Variants in PDE3B observed in about 807,000 individuals in gnomAD.
The protein encoded by PDE3B is cGMP-inhibited 3',5'-cyclic phosphodiesterase 3B.
A neutral mutation model predicts 116.8 loss-of-function variants in PDE3B; 66 were observed. The observed-to-expected ratio is 0.56, with a 90% CI of 0.46 to 0.69. The LOEUF (loss-of-function observed/expected upper bound fraction) is 0.69, where lower values mean the gene tolerates loss of function less well. Among genes scored for constraint, PDE3B ranks in the 30% least tolerant of loss-of-function variants. The pLI, the probability that PDE3B is intolerant of heterozygous loss-of-function variation, is 0.00. For synonymous variants in PDE3B, 595 were observed against 533.6 expected, an observed-to-expected ratio of 1.12 and a Z score of -1.59; for missense variants, 1,384 against 1,368.1, an observed-to-expected ratio of 1.01 and a Z score of -0.18.
chr11:14,678,777 C>T (rs929187272), intron 1 of PDE3B, among the ~76,000 whole-genome samples: 1 of 152,024 alleles, frequency 6.6e-6, no homozygotes, highest in African/African-American at 2.4e-5. Flanking sequence ...TTCAGTTTTT[C>T]AATTTTTTGT....
chr11:14,753,642 G>A (rs1350714760), intron 1 of PDE3B, among the ~76,000 whole-genome samples: 1 of 152,032 alleles, frequency 6.6e-6, no homozygotes. Flanking sequence ...ATGCCTCTGT[G>A]TTTAAATGAT....
intron 1 of PDE3B, among the ~76,000 whole-genome samples, chr11:14,653,640 G>T (rs140261221): frequency 2.9e-4 from 44 of 151,972 alleles, no homozygotes; most frequent in African/African-American, 1.0e-3. Flanking sequence ...ATAAAAACAC[G>T]TTTATTATGA....
At chr11:14,804,311 A>C (rs1255678074) in intron 5 of PDE3B, among the ~76,000 whole-genome samples, 1 of 152,104 alleles carries the variant, frequency 6.6e-6, no homozygotes, top group Non-Finnish European at 1.5e-5. Flanking sequence ...TATTTAACTA[A>C]CCTGAATGGT....
At chr11:14,667,815 G>A (rs1854223946) in intron 1 of PDE3B, among the ~76,000 whole-genome samples, 1 of 148,208 alleles carries the variant, frequency 6.7e-6, no homozygotes, top group Non-Finnish European at 1.5e-5. Context: ...TTGTGCACAT[G>A]TACCCTAAAA....
intron 12 of PDE3B, among the ~76,000 whole-genome samples, chr11:14,852,984 A>G (rs940752156): frequency 6.6e-6 from 1 of 151,524 alleles, no homozygotes; most frequent in African/African-American, 2.4e-5. Flanking sequence ...AAGGCCCTAC[A>G]TTATTGGTCC....
At chr11:14,800,856 T>C (rs190212367) in intron 4 of PDE3B, among the ~76,000 whole-genome samples, 41 of 152,250 alleles carry the variant, frequency 2.7e-4, no homozygotes, top group African/African-American at 8.7e-4. Context: ...TGTTCATTTC[T>C]TTTTATTCTT....
intron 1 of PDE3B, among the ~76,000 whole-genome samples, 183 bp downstream of exon 1, chr11:14,645,236 G>A (rs1487098551): frequency 6.7e-6 from 1 of 149,786 alleles, no homozygotes; most frequent in Non-Finnish European, 1.5e-5. Context: ...AATACAGGAA[G>A]CCTTTTAAAA....
intron 1 of PDE3B, among the ~76,000 whole-genome samples, chr11:14,763,488 G>T (rs989646492): frequency 9.2e-5 from 14 of 152,032 alleles, no homozygotes; most frequent in Non-Finnish European, 1.8e-4. Flanking sequence ...GTATGATCAT[G>T]ATAAAGGGGT....
intron 3 of PDE3B, among the ~76,000 whole-genome samples, chr11:14,788,348 G>A (rs114992930): frequency 3.5e-4 from 53 of 151,952 alleles, no homozygotes; most frequent in African/African-American, 1.1e-3. Flanking sequence ...CACTCAACAA[G>A]GATATTAACA....
chr11:14,852,504 A>G, intron 12 of PDE3B, among the ~76,000 whole-genome samples: 1 of 152,246 alleles, frequency 6.6e-6, no homozygotes, highest in East Asian at 1.9e-4. Flanking sequence ...TGCATACTCA[A>G]TTGTTGTCCT....
chr11:14,714,927 A>G (rs1014450255), intron 1 of PDE3B, among the ~76,000 whole-genome samples: 1 of 152,142 alleles, frequency 6.6e-6, no homozygotes. Context: ...TTTCACTCAT[A>G]TTTAAAATAT....
the PDE3B span, among the ~76,000 whole-genome samples, chr11:14,894,735 A>G: frequency 6.6e-6 from 1 of 152,202 alleles, no homozygotes; most frequent in African/African-American, 2.4e-5. Flanking sequence ...TTCAGGACAT[A>G]GAGCCTTCCC....
intron 12 of PDE3B, among the ~76,000 whole-genome samples, chr11:14,845,964 A>G (rs931428786): frequency 5.9e-5 from 9 of 152,200 alleles, no homozygotes; most frequent in East Asian, 3.8e-4. Context: ...GCAGGCCAAC[A>G]TTCAGATTCA....
At chr11:14,735,561 T>C (rs1343399270) in intron 1 of PDE3B, among the ~76,000 whole-genome samples, 1 of 152,206 alleles carries the variant, frequency 6.6e-6, no homozygotes, top group East Asian at 1.9e-4. Flanking sequence ...AGAAATGGGT[T>C]GTAATTATCC....
At chr11:14,700,625 C>G (rs561676041) in intron 1 of PDE3B, 106 of 151,858 alleles carry the variant, frequency 7.0e-4, no homozygotes, top group African/African-American at 2.3e-3. Context: ...GTGTTTTCCT[C>G]TAAATGAAAA....
chr11:14,672,780 A>G (rs1854411903), intron 1 of PDE3B, among the ~76,000 whole-genome samples: 1 of 152,108 alleles, frequency 6.6e-6, no homozygotes, highest in Non-Finnish European at 1.5e-5. Flanking sequence ...AAATAATTTT[A>G]TTTTAAACAA....
the PDE3B span, among the ~76,000 whole-genome samples, chr11:14,884,838 G>C: frequency 6.6e-6 from 1 of 151,862 alleles, no homozygotes; most frequent in Admixed American, 6.6e-5. Flanking sequence ...AAATATTACT[G>C]TGATTGCATC....
Position 14,831,710 on chromosome 11 carries a change from A to G in PDE3B, c.2027A>G (p.Asn676Ser). The change falls in exon 9 of 16, where the codon AAC becomes AGC. Residue 676 changes from asparagine (N) to serine (S), a missense_variant. By Grantham distance (46) the Asn-to-Ser change is conservative (BLOSUM62 1). Coordinates refer to ENST00000282096, the MANE Select transcript of PDE3B (RefSeq NM_000922.4). Reference sequence around the variant, plus strand: ...GACTCATTAATAGAAAAGATGAGCAACTGGAATTTTCCAATTTTTGAACTT... The same window carrying G: ...GACTCATTAATAGAAAAGATGAGCAGCTGGAATTTTCCAATTTTTGAACTT... ...EYDSLIEKMS[N>S]WNFPIFELVE... is the part of the protein sequence containing the mutation. 6.2e-7 allele frequency: 1 copy of G among 1,600,858 alleles called. No individual in the cohort carries two copies. Among genetic ancestry groups the G allele is most frequent in the Non-Finnish European group, 8.5e-7 (1 of 1,170,178 alleles).
chr11:14,772,063 T>A (rs1326426368), intron 2 of PDE3B, 76 bp downstream of exon 2: 1 of 684,730 alleles, frequency 1.5e-6, no homozygotes, highest in African/African-American at 1.9e-5. Context: ...GATGCAACTT[T>A]TGACACTTAA....
Sources: gnomAD v4.1 joint callset for allele counts (sites outside exome capture counted in the v4.1 genomes callset) on GRCh38, gnomAD v4.1.1 for gene constraint, MANE v1.5 for transcripts, NCBI Gene and HGNC (gene_info 2026-07-23, HGNC 2026-07-21) for gene names.